The following FRAS1 variants were observed in gnomAD, a reference collection of about 807,000 sequenced individuals.
The protein encoded by FRAS1 is extracellular matrix organizing protein FRAS1.
FRAS1 carries 290 observed loss-of-function variants against 435.2 expected under a neutral mutation model. That is an observed-to-expected ratio of 0.67 (90% CI 0.61 to 0.73). The LOEUF is 0.73. FRAS1 is among the 30% of genes least tolerant of loss of function. FRAS1 has a pLI of 0.00. For missense variants in FRAS1, 4,860 were observed against 5,001.5 expected, an observed-to-expected ratio of 0.97 and a Z score of 0.85; for synonymous variants, 1,800 against 1,851.0, an observed-to-expected ratio of 0.97 and a Z score of 0.71.
chr4:78,135,231 T>A (rs1719873316), intron 2 of FRAS1, among the ~76,000 whole-genome samples: 1 of 152,174 alleles, frequency 6.6e-6, no homozygotes, highest in African/African-American at 2.4e-5. Context: ...TAGTCAGTCT[T>A]CCTCTTTCCT....
intron 61 of FRAS1, among the ~76,000 whole-genome samples, chr4:78,506,564 G>T (rs1049091192): frequency 1.3e-5 from 2 of 152,374 alleles, no homozygotes; most frequent in African/African-American, 4.8e-5. Context: ...AGTCAGGCAT[G>T]GGAGAGAATC....
intron 15 of FRAS1, among the ~76,000 whole-genome samples, chr4:78,311,217 A>G (rs1446954261): frequency 2.3e-5 from 3 of 130,550 alleles, no homozygotes; most frequent in African/African-American, 8.7e-5. Flanking sequence ...TTTAATCTTC[A>G]TTTCTCTTTT....
intron 4 of FRAS1, among the ~76,000 whole-genome samples, chr4:78,250,253 G>T (rs1337055881): frequency 2.6e-5 from 4 of 152,158 alleles, no homozygotes; most frequent in Admixed American, 6.5e-5. Context: ...TGTTCTTTCA[G>T]TTTTGGTGGA....
At chr4:78,267,476 C>T (rs1243467637) in intron 9 of FRAS1, 44 bp downstream of exon 9, 6 of 1,573,574 alleles carry the variant, frequency 3.8e-6, no homozygotes, top group Non-Finnish European at 5.2e-6. Flanking sequence ...GCAGCTCTTT[C>T]CAACGGGATA....
intron 14 of FRAS1, among the ~76,000 whole-genome samples, chr4:78,296,895 C>T (rs957064951): frequency 6.6e-6 from 1 of 152,202 alleles, no homozygotes; most frequent in African/African-American, 2.4e-5. Context: ...CCAAACTTGC[C>T]ATCTCTCCAT....
At chr4:78,191,870 C>T (rs1024599599) in intron 2 of FRAS1, among the ~76,000 whole-genome samples, 4 of 152,126 alleles carry the variant, frequency 2.6e-5, no homozygotes, top group African/African-American at 4.8e-5. Flanking sequence ...AGGACATGAA[C>T]TCATCATTTT....
At chr4:78,374,342 A>G in intron 25 of FRAS1, 91 bp downstream of exon 25, 7 of 1,295,288 alleles carry the variant, frequency 5.4e-6, no homozygotes, top group Non-Finnish European at 7.3e-6. Context: ...GAATACTTAA[A>G]TTAGAAAGCA....
chr4:78,137,758 G>C (rs1719985999), intron 2 of FRAS1, among the ~76,000 whole-genome samples: 1 of 152,186 alleles, frequency 6.6e-6, no homozygotes, highest in Non-Finnish European at 1.5e-5. Context: ...TACGTGCTTT[G>C]GAGTTAGGAT....
chr4:78,127,419 A>G (rs964102122), intron 2 of FRAS1, among the ~76,000 whole-genome samples: 3 of 152,228 alleles, frequency 2.0e-5, no homozygotes, highest in Admixed American at 6.5e-5. Context: ...TTATAAAGAT[A>G]TCAGTGTTCT....
intron 35 of FRAS1, among the ~76,000 whole-genome samples, chr4:78,427,776 T>C (rs1424661426): frequency 6.6e-6 from 1 of 152,224 alleles, no homozygotes; most frequent in Non-Finnish European, 1.5e-5. Context: ...GTGTACCTTA[T>C]AAAATTTAAC....
chr4:78,145,553 C>G (rs1578151508), intron 2 of FRAS1, among the ~76,000 whole-genome samples: 1 of 152,128 alleles, frequency 6.6e-6, no homozygotes, highest in Non-Finnish European at 1.5e-5. Flanking sequence ...GTTAGAGAAC[C>G]TAACTGAGCT....
rs188996763 is a variant in FRAS1 at position 78,197,857 on chromosome 4, C to T, written c.109-39653C>T. 1.4e-3 allele frequency among the ~76,000 whole-genome samples: 208 copies of T among 151,710 alleles called. 1 individual carries two copies. The highest frequency in any genetic ancestry group is 2.3e-3 in the Non-Finnish European group (159 of 67,968). On this transcript the variant is annotated intron_variant, in intron 2 of 73. Transcript: ENST00000512123. ...TCTGGAGGCTGAGGCAGGAGAATGG[C>T]GTGAACCCAGGAGGTGGAGCTTGCA...
intron 20 of FRAS1, among the ~76,000 whole-genome samples, chr4:78,345,078 G>T (rs1730555310): frequency 6.6e-6 from 1 of 152,160 alleles, no homozygotes; most frequent in Non-Finnish European, 1.5e-5. Flanking sequence ...TCCTGTTGTG[G>T]ATCTGGGCCG....
chr4:78,464,224 T>C, intron 48 of FRAS1, 79 bp downstream of exon 48: 2 of 1,508,112 alleles, frequency 1.3e-6, no homozygotes, highest in Non-Finnish European at 1.8e-6. Flanking sequence ...GCAGAGTGAC[T>C]GGTGAGAGAA....
Position 78,058,033 on chromosome 4 carries a change from C to G in FRAS1, c.24C>G (p.Leu8=), listed in dbSNP as rs1327442931. 3 of 1,613,850 alleles carry G rather than the reference C, an allele frequency of 1.9e-6. No homozygotes were observed. Among genetic ancestry groups the G allele is most frequent in the African/African-American group, 2.7e-5 (2 of 74,908 alleles). Residue 8 remains leucine (L), a synonymous_variant, in exon 1 of 74, where the codon CTC becomes CTG. Coordinates refer to ENST00000512123, the MANE Select transcript of FRAS1 (RefSeq NM_025074.7). ...CGATGGGTGTCCTCAAAGTGTGGCT[C>G]GGGCTGGCCCTAGCGTTGGCGGAAT... is the stretch of plus-strand genomic sequence containing the variant. MGVLKVW[L]GLALALAEFA... is the part of the protein sequence containing the mutation.
chr4:78,061,459 A>ACC (rs1739757822), intron 1 of FRAS1, among the ~76,000 whole-genome samples: 1 of 152,158 alleles, frequency 6.6e-6, no homozygotes, highest in African/African-American at 2.4e-5. Context: ...GGTTAAGAGA[A>ACC]TTGAGCTTTA....
intron 2 of FRAS1, among the ~76,000 whole-genome samples, chr4:78,128,808 A>G (rs1430982817): frequency 1.3e-5 from 2 of 152,050 alleles, no homozygotes; most frequent in Non-Finnish European, 2.9e-5. Context: ...CTTTTGGTGT[A>G]TTAGACATGA....
Position 78,363,629 on chromosome 4 carries a change from C to G in FRAS1, c.2539C>G (p.Pro847Ala). Reference sequence around the variant, plus strand: ...CGGGGACCACTGTGTTCCTGACTGCCCTTCAGGATACTATGCAGAGAGAGG... The same window carrying G: ...CGGGGACCACTGTGTTCCTGACTGCGCTTCAGGATACTATGCAGAGAGAGG... ...LLGDHCVPDC[P>A]SGYYAERGAC... is the part of the protein sequence containing the mutation. Residue 847 changes from proline (P) to alanine (A), a missense_variant, in exon 21 of 74, where the codon CCT becomes GCT. Coordinates refer to ENST00000512123, the MANE Select transcript of FRAS1 (RefSeq NM_025074.7). 2 of 1,602,448 alleles carry G rather than the reference C, an allele frequency of 1.2e-6. No homozygotes were observed. The highest frequency in any genetic ancestry group is 8.5e-7 in the Non-Finnish European group (1 of 1,174,630).
intron 32 of FRAS1, 70 bp from the exon 33 acceptor site, chr4:78,418,879 A>T: frequency 1.2e-6 from 1 of 850,756 alleles, no homozygotes; most frequent in Admixed American, 2.5e-5. Context: ...TTTCTTAATA[A>T]GGTCTGTTTT....
Sources: gnomAD v4.1 joint callset for allele counts (sites outside exome capture counted in the v4.1 genomes callset) on GRCh38, gnomAD v4.1.1 for gene constraint, MANE v1.5 for transcripts, NCBI Gene and HGNC (gene_info 2026-07-23, HGNC 2026-07-21) for gene names.